Variants in CHCHD6 observed in about 807,000 individuals in gnomAD.
CHCHD6 encodes coiled-coil-helix-coiled-coil-helix domain containing 6.
In CHCHD6, 28 loss-of-function variants were observed where a neutral mutation model predicts 32.3. The observed-to-expected ratio is 0.87, with a 90% CI of 0.64 to 1.19. The LOEUF (loss-of-function observed/expected upper bound fraction) is 1.19. CHCHD6 is among the 50% of genes most tolerant of loss of function. The pLI is 0.00. For synonymous variants in CHCHD6, 122 were observed against 117.5 expected (o/e 1.04, Z -0.25); for missense variants, 333 against 307.0 (o/e 1.08, Z -0.63).
At chr3:126,843,733 CAA>C (rs1941190215) in intron 4 of CHCHD6, among the ~76,000 whole-genome samples, 1 of 152,156 alleles carries the variant, frequency 6.6e-6, no homozygotes, top group African/African-American at 2.4e-5. Flanking sequence ...CCCAAGAGTT[CAA>C]TTACATGTAT....
intron 5 of CHCHD6, among the ~76,000 whole-genome samples, chr3:126,878,729 A>G (rs960321458): frequency 5.3e-5 from 8 of 152,236 alleles, no homozygotes; most frequent in Non-Finnish European, 1.2e-4. Flanking sequence ...GATTGTTGGG[A>G]AATAGGATAA....
chr3:126,784,025 T>C (rs1938078528), intron 4 of CHCHD6, among the ~76,000 whole-genome samples: 1 of 152,198 alleles, frequency 6.6e-6, no homozygotes, highest in South Asian at 2.1e-4. Context: ...CACTCATTTT[T>C]CTGTTGACCT....
intron 7 of CHCHD6, chr3:126,957,858 G>C: frequency 2.1e-6 from 1 of 472,492 alleles, no homozygotes; most frequent in Admixed American, 3.3e-5. Flanking sequence ...CGGGCCCCTT[G>C]TGGGTGCCGG....
intron 4 of CHCHD6, among the ~76,000 whole-genome samples, chr3:126,852,097 G>A (rs1021527064): frequency 7.2e-5 from 11 of 152,210 alleles, no homozygotes; most frequent in African/African-American, 2.7e-4. Flanking sequence ...CTGCAGGCAT[G>A]GATCCCTGCT....
intron 4 of CHCHD6, among the ~76,000 whole-genome samples, chr3:126,786,006 T>C (rs1013560411): frequency 1.7e-4 from 26 of 152,154 alleles, no homozygotes; most frequent in Non-Finnish European, 3.2e-4. Context: ...GGCCCCAGTG[T>C]GTGATGTTCC....
In CHCHD6 at chr3:126,781,944, G is replaced by T. The variant is rs551960869; in HGVS notation, c.411+48722G>T. Among the ~76,000 whole-genome samples, 8 of 152,260 alleles carry T rather than the reference G, an allele frequency of 5.3e-5. No homozygotes were observed. In the East Asian group the frequency reaches 1.5e-3, roughly 29 times the overall value. On this transcript the variant is annotated intron_variant, in intron 4 of 7. Coordinates refer to ENST00000290913, the MANE Select transcript of CHCHD6 (RefSeq NM_032343.3). Reference sequence around the variant, plus strand: ...CCTCTTCTTGGAGGGTGGAGATTAGGGGAGGGTCTGGGAGTGTCACACGAG... The same window carrying T: ...CCTCTTCTTGGAGGGTGGAGATTAGTGGAGGGTCTGGGAGTGTCACACGAG...
chr3:126,731,498 A>G lies in CHCHD6; in HGVS notation c.266+868A>G, dbSNP rs1005740837. Reference sequence around the variant, plus strand: ...GTACTTCTTTAATTGGGATCTTGTCATGGTTAAATATGTTTATATATATCA... The same window carrying G: ...GTACTTCTTTAATTGGGATCTTGTCGTGGTTAAATATGTTTATATATATCA... On this transcript the variant is annotated intron_variant, in intron 3 of 7. Transcript: ENST00000290913. 9.2e-5 allele frequency among the ~76,000 whole-genome samples: 14 copies of G among 152,310 alleles called. No homozygotes were observed. In the East Asian group the frequency reaches 2.3e-3, roughly 25 times the overall value.
At chr3:126,918,861 T>A (rs2078205897) in intron 6 of CHCHD6, among the ~76,000 whole-genome samples, 1 of 152,240 alleles carries the variant, frequency 6.6e-6, no homozygotes, top group African/African-American at 2.4e-5. Flanking sequence ...AGGCTATAAT[T>A]TCTGTATAAA....
chr3:126,729,587 C>G (rs1935689083), intron 2 of CHCHD6, among the ~76,000 whole-genome samples: 1 of 152,186 alleles, frequency 6.6e-6, no homozygotes, highest in African/African-American at 2.4e-5. Context: ...GCAGCAGGCT[C>G]CTGAGTTCAC....
intron 5 of CHCHD6, among the ~76,000 whole-genome samples, chr3:126,899,343 A>G (rs951031111): frequency 6.6e-6 from 1 of 152,222 alleles, no homozygotes; most frequent in South Asian, 2.1e-4. Context: ...CAAATTTGCA[A>G]ATTTTCCAAA....
chr3:126,883,967 T>C (rs2077646301), intron 5 of CHCHD6, among the ~76,000 whole-genome samples: 1 of 151,706 alleles, frequency 6.6e-6, no homozygotes, highest in African/African-American at 2.4e-5. Context: ...GGGTTACAGA[T>C]TTATTTTGTC....
chr3:126,908,996 G>A (rs2078045186), intron 5 of CHCHD6, among the ~76,000 whole-genome samples: 1 of 152,246 alleles, frequency 6.6e-6, no homozygotes, highest in African/African-American at 2.4e-5. Context: ...GCCCTGTGCT[G>A]CCGCTCTGTT....
Position 126,765,401 on chromosome 3 carries a change from A to G in CHCHD6, c.411+32179A>G, listed in dbSNP as rs1337383291. Among the ~76,000 whole-genome samples, 4 of 152,224 alleles carry G rather than the reference A, an allele frequency of 2.6e-5. No individual in the cohort carries two copies. In the South Asian group the frequency reaches 6.2e-4, roughly 24 times the overall value. On this transcript the variant is annotated intron_variant, in intron 4 of 7. Coordinates refer to ENST00000290913, the MANE Select transcript of CHCHD6 (RefSeq NM_032343.3). Reference sequence around the variant, plus strand: ...TCGGGCACAGGCACTTGACGGGGACACTGGTGGCAGTCACAGCATCCGTGC... The same window carrying G: ...TCGGGCACAGGCACTTGACGGGGACGCTGGTGGCAGTCACAGCATCCGTGC...
intron 6 of CHCHD6, among the ~76,000 whole-genome samples, chr3:126,929,094 A>T (rs755029825): frequency 3.3e-5 from 5 of 152,238 alleles, no homozygotes; most frequent in Non-Finnish European, 7.3e-5. Flanking sequence ...GTACCTGTGC[A>T]TGCAGCTGGG....
intron 5 of CHCHD6, among the ~76,000 whole-genome samples, chr3:126,856,038 T>A (rs564065577): frequency 6.6e-6 from 1 of 152,254 alleles, no homozygotes; most frequent in East Asian, 1.9e-4. Flanking sequence ...GGGTGGCCAA[T>A]CTCTTGGCTT....
intron 5 of CHCHD6, among the ~76,000 whole-genome samples, chr3:126,864,895 A>ACCT (rs1273429819): frequency 0.016 from 1,217 of 75,482 alleles, 33 homozygotes; most frequent in Middle Eastern, 0.039. Context: ...CTCCACCATC[A>ACCT]CCTCCTCCTC....
At chr3:126,757,759 C>G (rs1049169656) in intron 4 of CHCHD6, among the ~76,000 whole-genome samples, 1 of 152,142 alleles carries the variant, frequency 6.6e-6, no homozygotes, top group African/African-American at 2.4e-5. Context: ...GATTGGTGAG[C>G]ACCTACGTAC....
intron 5 of CHCHD6, among the ~76,000 whole-genome samples, chr3:126,856,268 A>G (rs115773658): frequency 0.01 from 1,580 of 152,352 alleles, 29 homozygotes; most frequent in African/African-American, 0.036. Flanking sequence ...ATTTAACCCA[A>G]AACAAAGGGC....
chr3:126,801,930 C>T (rs552548544), intron 4 of CHCHD6, among the ~76,000 whole-genome samples: 8 of 152,264 alleles, frequency 5.3e-5, no homozygotes, highest in African/African-American at 1.9e-4. Flanking sequence ...CTGCAGGCAC[C>T]GCTGCTGATA....
Sources: gnomAD v4.1 joint callset for allele counts (sites outside exome capture counted in the v4.1 genomes callset) on GRCh38, gnomAD v4.1.1 for gene constraint, MANE v1.5 for transcripts, NCBI Gene and HGNC (gene_info 2026-07-23, HGNC 2026-07-21) for gene names.